SCAMP4: variants seen among roughly 807,000 people sequenced by gnomAD.
SCAMP4 encodes the protein secretory carrier-associated membrane protein 4.
In SCAMP4, 19 loss-of-function variants were observed where a neutral mutation model predicts 32.1. That is an observed-to-expected ratio of 0.59 (90% CI 0.41 to 0.87). The LOEUF (loss-of-function observed/expected upper bound fraction) is 0.87, where lower values mean the gene tolerates loss of function less well. Ranked by LOEUF, SCAMP4 falls within the 40% of genes least tolerant of loss-of-function variation. The pLI, the probability that SCAMP4 is intolerant of heterozygous loss-of-function variation, is 0.00. For synonymous variants in SCAMP4, 152 were observed against 132.7 expected, an observed-to-expected ratio of 1.15 and a Z score of -1.00; for missense variants, 302 against 309.0, an observed-to-expected ratio of 0.98 and a Z score of 0.17.
At chr19:1,920,043 C>T in intron 5 of SCAMP4, 2 of 610,362 alleles carry the variant, frequency 3.3e-6, no homozygotes, top group Non-Finnish European at 4.1e-6. Context: ...AAACTCCTAA[C>T]CTCGTGATCC....
At chr19:1,909,123 G>A (rs1483697083) in intron 1 of SCAMP4, among the ~76,000 whole-genome samples, 4 of 151,932 alleles carry the variant, frequency 2.6e-5, no homozygotes, top group Admixed American at 1.3e-4. Context: ...AAAAATGTGG[G>A]CTGGGCATGG....
At chr19:1,909,667 G>A (rs2013332934) in intron 1 of SCAMP4, among the ~76,000 whole-genome samples, 2 of 152,216 alleles carry the variant, frequency 1.3e-5, no homozygotes. Context: ...TCACCCGAGA[G>A]CCGCCTTGGC....
chr19:1,920,923 C>T (rs2013899052), intron 5 of SCAMP4: 1 of 985,394 alleles, frequency 1.0e-6, no homozygotes, highest in Non-Finnish European at 1.2e-6. Flanking sequence ...GCAGCAGCGA[C>T]TTGGCTCTTC....
intron 1 of SCAMP4, chr19:1,912,160 A>C: frequency 6.4e-7 from 1 of 1,570,784 alleles, no homozygotes; most frequent in Non-Finnish European, 8.6e-7. Flanking sequence ...CCGGAGCCTG[A>C]GCCGGCGCCG....
At chr19:1,918,054 A>G (rs1215296007) in intron 3 of SCAMP4, 73 bp from the exon 4 acceptor site, 2 of 1,543,026 alleles carry the variant, frequency 1.3e-6, no homozygotes, top group Non-Finnish European at 1.8e-6. Context: ...CGGGTGCCCC[A>G]TTGCTGGGCC....
At chr19:1,913,154 G>T in intron 1 of SCAMP4, 1 of 1,535,558 alleles carries the variant, frequency 6.5e-7, no homozygotes, top group Non-Finnish European at 8.7e-7. Flanking sequence ...ACACGTAGGC[G>T]CCGCCCTCCT....
At chr19:1,906,377 GAT>G (rs1491527264) in intron 1 of SCAMP4, 1 of 151,962 alleles carries the variant, frequency 6.6e-6, no homozygotes, top group Non-Finnish European at 1.5e-5. Flanking sequence ...AAGAAAAAAA[GAT>G]TTTTTTTTAA....
intron 5 of SCAMP4, chr19:1,922,680 G>C: frequency 1.0e-6 from 1 of 990,424 alleles, no homozygotes; most frequent in Non-Finnish European, 1.2e-6. Flanking sequence ...TTAGTAGCAG[G>C]CTCAGTGGGG....
intron 5 of SCAMP4, chr19:1,921,509 G>A (rs1314030749): frequency 8.1e-6 from 8 of 985,304 alleles, no homozygotes; most frequent in East Asian, 2.3e-4. Context: ...GCCTCTAAGC[G>A]GAGCATGCAG....
chr19:1,908,413 C>A lies in SCAMP4; in HGVS notation c.-42+2974C>A. The A allele has an allele frequency of 2.2e-6, 1 of 452,940 alleles. No individual in the cohort carries two copies. Among genetic ancestry groups the A allele is most frequent in the Non-Finnish European group, 4.6e-6 (1 of 216,826 alleles). 28.1% of individuals were successfully genotyped at this position (452,940 alleles called of 1,614,324 possible). A position where few individuals can be genotyped will look rare whatever the true frequency, so the allele number is the denominator to read the frequency against. On this transcript the variant is annotated intron_variant, in intron 1 of 6. Coordinates refer to ENST00000316097, the MANE Select transcript of SCAMP4 (RefSeq NM_079834.4). This position sits in a 1 kb window ranked among gnomAD's most constrained non-coding sequence, Gnocchi z 4.2. ...GCGCCCCGGCGGCTGAGGCGTGGAC[C>A]AGGCAGTGCATGTCGAGGAGTAGCA...
At chr19:1,912,950 C>T (rs868253845) in intron 1 of SCAMP4, 1 of 1,610,308 alleles carries the variant, frequency 6.2e-7, no homozygotes, top group Non-Finnish European at 8.5e-7. Flanking sequence ...ACGACCTGTA[C>T]GTGACCCGCG....
chr19:1,913,674 G>A (rs1349391461), intron 1 of SCAMP4, among the ~76,000 whole-genome samples: 4 of 152,182 alleles, frequency 2.6e-5, no homozygotes, highest in African/African-American at 9.7e-5. Flanking sequence ...GACACTAGGC[G>A]TAGTCCACAG....
chr19:1,907,659 C>T (rs929388471), intron 1 of SCAMP4, among the ~76,000 whole-genome samples: 4 of 152,148 alleles, frequency 2.6e-5, no homozygotes, highest in Non-Finnish European at 5.9e-5. Context: ...GGGTCTGACT[C>T]ACCTGCCTGG....
intron 1 of SCAMP4, chr19:1,911,976 G>A: frequency 7.1e-7 from 1 of 1,408,238 alleles, no homozygotes; most frequent in Non-Finnish European, 9.2e-7. Flanking sequence ...GTGGCAGCAC[G>A]CCCTGCCTTG....
chr19:1,912,222 G>C, intron 1 of SCAMP4: 1 of 1,594,980 alleles, frequency 6.3e-7, no homozygotes, highest in Non-Finnish European at 8.5e-7. Flanking sequence ...CGTGGAGCTG[G>C]TGCTGGCCTA....
At chr19:1,921,054 C>T (rs1252107372) in intron 5 of SCAMP4, 67 of 985,286 alleles carry the variant, frequency 6.8e-5, no homozygotes, top group Non-Finnish European at 7.8e-5. Context: ...TAGGAGAGCC[C>T]GGCCCCCCTT....
intron 5 of SCAMP4, chr19:1,921,306 A>G (rs1258550726): frequency 4.1e-6 from 4 of 985,330 alleles, no homozygotes; most frequent in Middle Eastern, 5.2e-4. Context: ...GGGGTGACGC[A>G]TGCCCGAGGC....
In SCAMP4 at chr19:1,924,100, C is replaced by T; in HGVS notation, c.514-8C>T. Reference sequence around the variant, plus strand: ...TGTCTTCTGCCTCCCTGTCCTCTGTCCTTGCAGGTGCACAGGATCTACCGA... The same window carrying T: ...TGTCTTCTGCCTCCCTGTCCTCTGTTCTTGCAGGTGCACAGGATCTACCGA... On this transcript the variant is annotated splice_region_variant and splice_polypyrimidine_tract_variant and intron_variant, in intron 6 of 6. Coordinates refer to ENST00000316097, the MANE Select transcript of SCAMP4 (RefSeq NM_079834.4). 6.3e-7 allele frequency: 1 copy of T among 1,596,716 alleles called. No individual in the cohort carries two copies. The highest frequency in any genetic ancestry group is 8.5e-7 in the Non-Finnish European group (1 of 1,175,290).
At chr19:1,921,336 T>C in intron 5 of SCAMP4, 1 of 985,394 alleles carries the variant, frequency 1.0e-6, no homozygotes, top group Non-Finnish European at 1.2e-6. Context: ...CGGCAGCATC[T>C]GTGGTGGCAG....
Sources: allele counts gnomAD v4.1 joint callset (sites outside exome capture counted in the v4.1 genomes callset), GRCh38; gene constraint gnomAD v4.1.1; non-coding constraint Gnocchi (gnomAD v3.1); transcripts MANE v1.5; gene names NCBI Gene and HGNC (gene_info 2026-07-23, HGNC 2026-07-21).